The following ADGRL3 variants were observed in gnomAD, a reference collection of about 807,000 sequenced individuals.
ADGRL3 encodes calcium-independent alpha-latrotoxin receptor 3.
ADGRL3 carries 62 observed loss-of-function variants against 153.5 expected under a neutral mutation model. The ratio of observed to expected loss-of-function variants is 0.40; its 90% CI spans 0.33 to 0.50. The LOEUF (loss-of-function observed/expected upper bound fraction) is 0.50. ADGRL3 is among the 20% of genes least tolerant of loss of function. The pLI is 0.47. For synonymous variants in ADGRL3, 710 were observed against 672.5 expected (o/e 1.06, Z -0.86); for missense variants, 1,641 against 1,859.4 (o/e 0.88, Z 2.16).
chr4:61,378,975 A>G (rs1278228469), intron 1 of ADGRL3, among the ~76,000 whole-genome samples: 2 of 151,972 alleles, frequency 1.3e-5, no homozygotes, highest in Non-Finnish European at 1.5e-5. Flanking sequence ...CCATGGTAAT[A>G]TTCGTGAATT....
intron 19 of ADGRL3, among the ~76,000 whole-genome samples, chr4:61,985,701 A>G (rs971597503): frequency 3.3e-5 from 5 of 152,192 alleles, no homozygotes; most frequent in African/African-American, 1.2e-4. Flanking sequence ...TATGTGAACT[A>G]TGCTATTTTA....
At chr4:61,592,281 G>C (rs1312869995) in intron 5 of ADGRL3, among the ~76,000 whole-genome samples, 2 of 152,094 alleles carry the variant, frequency 1.3e-5, no homozygotes, top group Non-Finnish European at 2.9e-5. Context: ...ACATAGCCTA[G>C]TAAGTGTTCT....
intron 23 of ADGRL3, among the ~76,000 whole-genome samples, chr4:62,033,765 A>G (rs1045492212): frequency 1.6e-4 from 25 of 151,808 alleles, no homozygotes; most frequent in African/African-American, 5.6e-4. Context: ...TATTTTGTAC[A>G]TTAGCTGGAA....
Position 61,625,907 on chromosome 4 carries a change from T to C in ADGRL3, c.473+38467T>C, listed in dbSNP as rs75724331. On this transcript the variant is annotated intron_variant, in intron 5 of 26. Transcript: ENST00000683033. ...TGCATTCATTAGCAGTGTTCTCTTT[T>C]GCTCTATTTTATGTATTTCTGTATA... 3.1e-3 allele frequency among the ~76,000 whole-genome samples: 466 copies of C among 152,214 alleles called. 21 individuals are homozygous for C. In the East Asian group the frequency reaches 0.085, roughly 28 times the overall value.
At chr4:61,938,234 A>T (rs2098847463) in intron 15 of ADGRL3, among the ~76,000 whole-genome samples, 1 of 152,220 alleles carries the variant, frequency 6.6e-6, no homozygotes, top group Admixed American at 6.5e-5. Flanking sequence ...TTAAAATTAA[A>T]GTTTTTAATG....
chr4:61,562,005 A>C (rs2098797144), intron 4 of ADGRL3, among the ~76,000 whole-genome samples: 1 of 151,916 alleles, frequency 6.6e-6, no homozygotes, highest in Admixed American at 6.5e-5. Flanking sequence ...CTATATGTGC[A>C]TGCATAATTT....
chr4:61,848,673 T>A (rs751385720), intron 9 of ADGRL3, among the ~76,000 whole-genome samples: 3 of 152,166 alleles, frequency 2.0e-5, no homozygotes, highest in Non-Finnish European at 4.4e-5. Flanking sequence ...TCCAAGAGAC[T>A]ATTGTCTAAT....
intron 8 of ADGRL3, among the ~76,000 whole-genome samples, chr4:61,762,044 G>A (rs1408565998): frequency 6.6e-6 from 1 of 152,182 alleles, no homozygotes; most frequent in Admixed American, 6.5e-5. Context: ...GAGCAATTTT[G>A]GCCTGCTGCT....
chr4:61,662,463 C>A (rs1167635962), intron 5 of ADGRL3, among the ~76,000 whole-genome samples: 1 of 152,232 alleles, frequency 6.6e-6, no homozygotes, highest in Non-Finnish European at 1.5e-5. Flanking sequence ...ATACTCAGGG[C>A]AGCACTGACA....
intron 3 of ADGRL3, among the ~76,000 whole-genome samples, chr4:61,516,145 C>T: frequency 6.6e-6 from 1 of 151,734 alleles, no homozygotes; most frequent in East Asian, 1.9e-4. Flanking sequence ...TTCCATAAAA[C>T]TTGTATTATT....
intron 21 of ADGRL3, among the ~76,000 whole-genome samples, chr4:62,022,146 G>T (rs1335870815): frequency 1.3e-5 from 2 of 152,160 alleles, no homozygotes; most frequent in Non-Finnish European, 2.9e-5. Flanking sequence ...TGAATAATAA[G>T]AAAGCAAAAT....
chr4:61,232,788 T>G (rs1470829362), intron 1 of ADGRL3, among the ~76,000 whole-genome samples: 2 of 152,182 alleles, frequency 1.3e-5, no homozygotes, highest in African/African-American at 2.4e-5. Flanking sequence ...GTAATTATTA[T>G]GTAGGTAAAG....
At chr4:61,631,137 G>A (rs773081950) in intron 5 of ADGRL3, among the ~76,000 whole-genome samples, 73 of 151,806 alleles carry the variant, frequency 4.8e-4, no homozygotes, top group Admixed American at 2.2e-3. Context: ...TTTTCTTTTC[G>A]TTGTTCCTTT....
At chr4:61,451,451 C>T (rs1560654812) in intron 2 of ADGRL3, among the ~76,000 whole-genome samples, 2 of 152,080 alleles carry the variant, frequency 1.3e-5, no homozygotes, top group Non-Finnish European at 2.9e-5. Context: ...GTGTTGAATG[C>T]TAATAGATTG....
At chr4:61,495,291 T>C (rs2098301000) in intron 2 of ADGRL3, among the ~76,000 whole-genome samples, 1 of 152,190 alleles carries the variant, frequency 6.6e-6, no homozygotes, top group African/African-American at 2.4e-5. Context: ...GTTTTTATTT[T>C]GACAGAATGA....
intron 3 of ADGRL3, among the ~76,000 whole-genome samples, chr4:61,500,376 G>A (rs1464069369): frequency 2.6e-5 from 4 of 152,146 alleles, no homozygotes; most frequent in Non-Finnish European, 1.5e-5. Flanking sequence ...ACTTGTGAAT[G>A]AAGGGCTTTA....
At chr4:61,630,446 G>A (rs539775647) in intron 5 of ADGRL3, among the ~76,000 whole-genome samples, 1 of 152,280 alleles carries the variant, frequency 6.6e-6, no homozygotes, top group Admixed American at 6.5e-5. Context: ...GTTGTCCTGG[G>A]ACAAAAACTG....
intron 2 of ADGRL3, among the ~76,000 whole-genome samples, chr4:61,417,086 A>G (rs896490947): frequency 2.0e-4 from 30 of 152,196 alleles, no homozygotes; most frequent in Non-Finnish European, 7.4e-5. Flanking sequence ...CAGGAGGCAG[A>G]TCCTAGGTGG....
At chr4:61,807,360 G>A (rs978438830) in intron 8 of ADGRL3, among the ~76,000 whole-genome samples, 7 of 149,452 alleles carry the variant, frequency 4.7e-5, no homozygotes, top group African/African-American at 1.7e-4. Flanking sequence ...TTTTTTTGTA[G>A]TAATGCTTGC....
Sources: gnomAD v4.1 joint callset for allele counts (sites outside exome capture counted in the v4.1 genomes callset) on GRCh38, gnomAD v4.1.1 for gene constraint, MANE v1.5 for transcripts, NCBI Gene and HGNC (gene_info 2026-07-23, HGNC 2026-07-21) for gene names.